Variants in AGMO observed in about 807,000 individuals in gnomAD.
AGMO encodes the protein glyceryl-ether monooxygenase.
AGMO carries 75 observed loss-of-function variants against 60.2 expected under a neutral mutation model. That is an observed-to-expected ratio of 1.25 (90% confidence interval 1.03 to 1.51). AGMO has a LOEUF of 1.51. Ranked by LOEUF, AGMO falls within the 40% of genes most tolerant of loss-of-function variation. AGMO has a pLI of 0.00. For synonymous variants in AGMO, 261 were observed against 177.1 expected, an observed-to-expected ratio of 1.47 and a Z score of -3.76; for missense variants, 763 against 525.5, an observed-to-expected ratio of 1.45 and a Z score of -4.42.
At chr7:15,330,236 A>G (rs1054754224) in intron 12 of AGMO, among the ~76,000 whole-genome samples, 2 of 152,148 alleles carry the variant, frequency 1.3e-5, no homozygotes. Flanking sequence ...TAGTACTAAA[A>G]TAATAAAATC....
chr7:15,364,594 C>T (rs1053553850), intron 12 of AGMO, among the ~76,000 whole-genome samples: 7 of 152,010 alleles, frequency 4.6e-5, no homozygotes, highest in Admixed American at 2.0e-4. Flanking sequence ...GCATATACAC[C>T]GATTCGCGTG....
At chr7:15,166,639 G>T in the AGMO span, among the ~76,000 whole-genome samples, 1 of 152,194 alleles carries the variant, frequency 6.6e-6, no homozygotes, top group South Asian at 2.1e-4. Context: ...GAAAAGTAGA[G>T]AAACCAGTTA....
chr7:15,384,995 T>G (rs555580432), intron 10 of AGMO, among the ~76,000 whole-genome samples: 1 of 152,214 alleles, frequency 6.6e-6, no homozygotes, highest in African/African-American at 2.4e-5. Flanking sequence ...CAAATTGGAA[T>G]ATTCTGAATG....
chr7:15,486,013 C>T lies in AGMO; in HGVS notation c.410-54905G>A, dbSNP rs78443073. Among the ~76,000 whole-genome samples the T allele has an allele frequency of 2.5e-4, 38 of 152,222 alleles. No individual in the cohort carries two copies. In the East Asian group the frequency reaches 6.9e-3, roughly 28 times the overall value. ...TTTTGGATTAAGAAATGTTTGTCAT[C>T]AGAAGTTCTGAGCTTCAGAACGATT... On this transcript the variant is annotated intron_variant, in intron 3 of 12. Coordinates refer to ENST00000342526, the MANE Select transcript of AGMO (RefSeq NM_001004320.2).
rs1327613491 is a variant in AGMO, at chr7:15,560,170, G to A, written c.228C>T (p.Ile76=). The A allele has an allele frequency of 6.2e-7, 1 of 1,612,810 alleles. No individual in the cohort carries two copies. The highest frequency in any genetic ancestry group is 1.3e-5 in the African/African-American group (1 of 74,856). Residue 76 remains isoleucine, a synonymous_variant, in exon 2 of 13, where the codon ATC becomes ATT. Coordinates refer to ENST00000342526, the MANE Select transcript of AGMO (RefSeq NM_001004320.2). ...PGRLDDALTS[I]SAGVLSRLPS... ...GAAGTCGAGACAGAACACCAGCTGA[G>A]ATTGACGTTAAAGCATCATCCAGGC...
chr7:15,547,863 G>A lies in AGMO; in HGVS notation c.258-2940C>T, dbSNP rs554783131. On this transcript the variant is annotated intron_variant, in intron 2 of 12. Coordinates refer to ENST00000342526, the MANE Select transcript of AGMO (RefSeq NM_001004320.2). ...TCTGTAGGCTCCACCTCTGGGGGCA[G>A]GGCACAGACAAACAAAAAGACAGCA... Among the ~76,000 whole-genome samples, 302 of 152,254 alleles carry A rather than the reference G, an allele frequency of 2.0e-3. 1 individual carries two copies. The highest frequency in any genetic ancestry group is 6.4e-3 in the African/African-American group (265 of 41,520).
At chr7:15,282,553 G>A (rs1317336959) in intron 12 of AGMO, among the ~76,000 whole-genome samples, 1 of 152,074 alleles carries the variant, frequency 6.6e-6, no homozygotes, top group Non-Finnish European at 1.5e-5. Context: ...AAAGAAATGA[G>A]CAATGTCTCC....
chr7:15,385,369 A>C, intron 10 of AGMO, 77 bp downstream of exon 10: 1 of 989,040 alleles, frequency 1.0e-6, no homozygotes, highest in Non-Finnish European at 1.6e-6. Flanking sequence ...GACAGCCTTA[A>C]TATGGGGAGC....
chr7:15,340,416 G>A (rs572951429), intron 12 of AGMO, among the ~76,000 whole-genome samples: 4 of 152,178 alleles, frequency 2.6e-5, no homozygotes, highest in Non-Finnish European at 5.9e-5. Flanking sequence ...AGAGGTGCCA[G>A]AGACAATCTT....
chr7:15,362,282 C>A (rs1160642488), intron 12 of AGMO, among the ~76,000 whole-genome samples: 2 of 151,564 alleles, frequency 1.3e-5, no homozygotes, highest in African/African-American at 4.8e-5. Flanking sequence ...TAATTTTTAC[C>A]ATGTTTAGCT....
At chr7:15,358,001 C>T (rs568357145) in intron 12 of AGMO, among the ~76,000 whole-genome samples, 5 of 152,194 alleles carry the variant, frequency 3.3e-5, no homozygotes, top group Middle Eastern at 3.4e-3. Context: ...AAAGGAAGAA[C>T]CCATGAAAGT....
intron 5 of AGMO, among the ~76,000 whole-genome samples, chr7:15,415,216 C>T (rs113308888): frequency 0.04 from 6,026 of 151,968 alleles, 383 homozygotes; most frequent in African/African-American, 0.14. Flanking sequence ...CCTGCCTCAG[C>T]CTCACGAGTA....
intron 3 of AGMO, among the ~76,000 whole-genome samples, chr7:15,452,981 C>G (rs775558986): frequency 1.2e-4 from 19 of 152,070 alleles, no homozygotes; most frequent in Middle Eastern, 3.2e-3. Flanking sequence ...AAGGACTTAT[C>G]GTGAATGATT....
chr7:15,319,038 T>C (rs146578443), intron 12 of AGMO, among the ~76,000 whole-genome samples: 448 of 152,270 alleles, frequency 2.9e-3, no homozygotes, highest in Non-Finnish European at 4.0e-3. Flanking sequence ...GCCAAACTCT[T>C]TCATCGGTTT....
chr7:15,527,977 A>G (rs1361859010), intron 3 of AGMO, among the ~76,000 whole-genome samples: 8 of 152,178 alleles, frequency 5.3e-5, no homozygotes, highest in Non-Finnish European at 1.2e-4. Context: ...GTCAATGTAC[A>G]TGGTCTCCCA....
In AGMO at chr7:15,333,876, G is replaced by A. The variant is rs541442707; in HGVS notation, c.1263+31638C>T. On this transcript the variant is annotated intron_variant, in intron 12 of 12. Transcript: ENST00000342526. The stretch of plus-strand genomic sequence containing the variant: ...CATAGTATCCCAATTCCTATTGCAT[G>A]TATTCCTAAAATAATAATTCTTCCA... Among the ~76,000 whole-genome samples the A allele has an allele frequency of 4.6e-5, 7 of 152,090 alleles. No individual in the cohort carries two copies. In the South Asian group the frequency reaches 1.5e-3, roughly 32 times the overall value.
intron 3 of AGMO, among the ~76,000 whole-genome samples, chr7:15,433,434 T>TA (rs11288973): frequency 5.3e-4 from 79 of 149,720 alleles, no homozygotes; most frequent in South Asian, 3.8e-3. Flanking sequence ...TCAGAATTGG[T>TA]AAAAAAAAAA....
At chr7:15,127,656 C>T in the AGMO span, among the ~76,000 whole-genome samples, 1 of 152,054 alleles carries the variant, frequency 6.6e-6, no homozygotes, top group Non-Finnish European at 1.5e-5. Context: ...TGAGGGATTA[C>T]TGTAGAATTA....
chr7:15,348,741 G>A (rs1782122593), intron 12 of AGMO, among the ~76,000 whole-genome samples: 1 of 152,004 alleles, frequency 6.6e-6, no homozygotes, highest in African/African-American at 2.4e-5. Context: ...GAATAAGCCA[G>A]AGCTAGATGC....
Sources: gnomAD v4.1 joint callset for allele counts (sites outside exome capture counted in the v4.1 genomes callset) on GRCh38, gnomAD v4.1.1 for gene constraint, MANE v1.5 for transcripts, NCBI Gene and HGNC (gene_info 2026-07-23, HGNC 2026-07-21) for gene names.